The following RASAL2 variants were observed in gnomAD, a reference collection of about 807,000 sequenced individuals.
The protein encoded by RASAL2 is ras GTPase-activating protein nGAP.
Under a neutral mutation model 128.9 loss-of-function variants are expected in RASAL2, and 58 were observed. The ratio of observed to expected loss-of-function variants is 0.45; its 90% CI spans 0.36 to 0.56. The LOEUF (loss-of-function observed/expected upper bound fraction) is 0.56, where lower values mean the gene tolerates loss of function less well. RASAL2 is among the 20% of genes least tolerant of loss of function. The pLI is 0.00. For synonymous variants in RASAL2, 561 were observed against 580.8 expected (o/e 0.97, Z 0.49); for missense variants, 1,360 against 1,601.6 (o/e 0.85, Z 2.57).
intron 1 of RASAL2, among the ~76,000 whole-genome samples, chr1:178,225,296 T>C (rs10913518): frequency 0.11 from 16,581 of 151,902 alleles, 1,157 homozygotes; most frequent in African/African-American, 0.19. Flanking sequence ...ACTTATAAAA[T>C]TTGATATATG....
At chr1:178,264,772 A>G (rs1337657524) in intron 1 of RASAL2, among the ~76,000 whole-genome samples, 1 of 152,144 alleles carries the variant, frequency 6.6e-6, no homozygotes, top group Admixed American at 6.5e-5. Flanking sequence ...ATGGAACTCT[A>G]TTACATAGAT....
intron 1 of RASAL2, among the ~76,000 whole-genome samples, chr1:178,152,649 G>A (rs1272517947): frequency 6.6e-6 from 1 of 152,030 alleles, no homozygotes; most frequent in African/African-American, 2.4e-5. Context: ...TGGCAACAGA[G>A]CTAGACTCTG....
intron 3 of RASAL2, among the ~76,000 whole-genome samples, chr1:178,308,914 G>C (rs1419828673): frequency 1.3e-5 from 2 of 152,096 alleles, no homozygotes; most frequent in Non-Finnish European, 2.9e-5. Flanking sequence ...CAAGATGCTA[G>C]AATCTTCTGT....
At chr1:178,356,969 C>T (rs1384151960) in intron 3 of RASAL2, among the ~76,000 whole-genome samples, 1 of 152,068 alleles carries the variant, frequency 6.6e-6, no homozygotes, top group South Asian at 2.1e-4. Context: ...TGTTCCCCTC[C>T]TTTTGAATAG....
At chr1:178,342,614 G>A (rs767282478) in intron 3 of RASAL2, among the ~76,000 whole-genome samples, 12 of 152,218 alleles carry the variant, frequency 7.9e-5, no homozygotes, top group Non-Finnish European at 1.3e-4. Context: ...TAGTTTGTAC[G>A]CTGCTTTTAA....
At chr1:178,264,791 T>A (rs1005456069) in intron 1 of RASAL2, among the ~76,000 whole-genome samples, 2 of 152,164 alleles carry the variant, frequency 1.3e-5, no homozygotes, top group African/African-American at 4.8e-5. Flanking sequence ...ATATGATTGA[T>A]TAAATCATTG....
chr1:178,262,465 T>A (rs1414119277), intron 1 of RASAL2, among the ~76,000 whole-genome samples: 2 of 152,228 alleles, frequency 1.3e-5, no homozygotes, highest in African/African-American at 4.8e-5. Flanking sequence ...AGGCTTTAAT[T>A]TTAAGAAAGA....
intron 3 of RASAL2, among the ~76,000 whole-genome samples, chr1:178,366,836 G>T (rs1671430588): frequency 6.6e-6 from 1 of 152,102 alleles, no homozygotes; most frequent in Non-Finnish European, 1.5e-5. Flanking sequence ...CATATTATAT[G>T]ATTTCAGTTG....
chr1:178,337,591 A>G (rs564093127), intron 3 of RASAL2, among the ~76,000 whole-genome samples: 1 of 152,292 alleles, frequency 6.6e-6, no homozygotes, highest in Non-Finnish European at 1.5e-5. Context: ...TAAGCTCAAG[A>G]GCCAGCACAC....
chr1:178,323,436 C>T (rs1334755722), intron 3 of RASAL2, among the ~76,000 whole-genome samples: 2 of 151,942 alleles, frequency 1.3e-5, no homozygotes, highest in Non-Finnish European at 2.9e-5. Context: ...AAAACCATAC[C>T]CACTTGAGAG....
At chr1:178,416,585 G>A (rs1192065117) in intron 4 of RASAL2, among the ~76,000 whole-genome samples, 1 of 151,888 alleles carries the variant, frequency 6.6e-6, no homozygotes, top group Non-Finnish European at 1.5e-5. Context: ...TCCAATTTGT[G>A]ACCTATATTG....
chr1:178,313,928 G>A (rs774080579), intron 3 of RASAL2, among the ~76,000 whole-genome samples: 3 of 152,008 alleles, frequency 2.0e-5, no homozygotes, highest in Non-Finnish European at 4.4e-5. Context: ...TAATCTAATA[G>A]ACAATAAAAA....
intron 1 of RASAL2, among the ~76,000 whole-genome samples, chr1:178,255,050 C>A (rs10913526): frequency 0.11 from 16,452 of 151,690 alleles, 1,120 homozygotes; most frequent in African/African-American, 0.19. Context: ...TCCAAAAAAA[C>A]CCAAAAAAAC....
chr1:178,155,462 CAA>C (rs766695092), intron 1 of RASAL2, among the ~76,000 whole-genome samples: 5 of 96,376 alleles, frequency 5.2e-5, no homozygotes, highest in Non-Finnish European at 6.8e-5. Flanking sequence ...TATAAACCAG[CAA>C]AAAAAAAAAA....
At position 178,094,609 on chromosome 1, in the gene RASAL2, A is replaced by C. The variant is rs1420037884; in HGVS notation, c.117A>C (p.Pro39=). The change falls in exon 1 of 18, where the codon CCA becomes CCC. Residue 39 remains proline, a synonymous_variant. Coordinates refer to ENST00000367649, the MANE Select transcript of RASAL2 (RefSeq NM_170692.4). The part of the protein sequence containing the change: ...LPPEDLDAVV[P]VSGAVAGGML... ...CGGAGGACCTGGACGCGGTTGTCCC[A>C]GTCAGTGGAGCCGTCGCCGGTGGCA... 1.2e-6 allele frequency: 2 copies of C among 1,612,924 alleles called. No homozygotes were observed. Among genetic ancestry groups the C allele is most frequent in the Admixed American group, 1.7e-5 (1 of 59,950 alleles).
chr1:178,421,493 A>G (rs1048269031), intron 5 of RASAL2, among the ~76,000 whole-genome samples: 2 of 151,964 alleles, frequency 1.3e-5, no homozygotes, highest in Non-Finnish European at 2.9e-5. Context: ...CATGTAATAC[A>G]ACAACCCTAG....
At chr1:178,253,786 C>T (rs974858215) in intron 1 of RASAL2, among the ~76,000 whole-genome samples, 4 of 152,152 alleles carry the variant, frequency 2.6e-5, no homozygotes, top group Non-Finnish European at 5.9e-5. Context: ...CTTCCATTTT[C>T]ACTTCTTTTA....
intron 4 of RASAL2, chr1:178,411,916 C>T: frequency 1.5e-6 from 1 of 668,662 alleles, no homozygotes; most frequent in Non-Finnish European, 2.7e-6. Context: ...AGAGCCCTTG[C>T]CCGCTTGAGT....
intron 17 of RASAL2, among the ~76,000 whole-genome samples, chr1:178,468,527 G>A (rs1452600003): frequency 6.6e-6 from 1 of 152,190 alleles, no homozygotes; most frequent in African/African-American, 2.4e-5. Context: ...TGAAAGCACG[G>A]TCGTGGAAAG....
Sources: allele counts gnomAD v4.1 joint callset (sites outside exome capture counted in the v4.1 genomes callset), GRCh38; gene constraint gnomAD v4.1.1; transcripts MANE v1.5; gene names NCBI Gene and HGNC (gene_info 2026-07-23, HGNC 2026-07-21).